Variants in ADAMTS2 observed in about 807,000 individuals in gnomAD.
ADAMTS2 encodes A disintegrin and metalloproteinase with thrombospondin motifs 2.
ADAMTS2 carries 50 observed loss-of-function variants against 123.0 expected under a neutral mutation model. That is an observed-to-expected ratio of 0.41 (90% confidence interval 0.32 to 0.51). The LOEUF (loss-of-function observed/expected upper bound fraction) is 0.51, where lower values mean the gene tolerates loss of function less well. Among genes scored for constraint, ADAMTS2 ranks in the 20% least tolerant of loss-of-function variants. The pLI is 0.35. For synonymous variants in ADAMTS2, 678 were observed against 695.4 expected, an observed-to-expected ratio of 0.98 and a Z score of 0.39; for missense variants, 1,494 against 1,705.2, an observed-to-expected ratio of 0.88 and a Z score of 2.18.
intron 4 of ADAMTS2, among the ~76,000 whole-genome samples, chr5:179,195,463 T>C: frequency 6.6e-6 from 1 of 152,216 alleles, no homozygotes. Flanking sequence ...TTTCAATCTG[T>C]GGCCCACATT....
chr5:179,334,309 C>A (rs575281864), intron 2 of ADAMTS2, among the ~76,000 whole-genome samples: 3 of 152,162 alleles, frequency 2.0e-5, no homozygotes, highest in Non-Finnish European at 4.4e-5. Context: ...TCATTCCTGG[C>A]CCAGCAAAGT....
rs1390854821 is a variant in ADAMTS2, at chr5:179,181,862, A to AG, written c.892-708dup. On this transcript the variant is annotated intron_variant, in intron 4 of 21. Transcript: ENST00000251582. This position sits in a 1 kb window ranked among gnomAD's most constrained non-coding sequence, Gnocchi z 4.1. ...TCAAAGGGACCCGTGGCACAAAAAC[A>AG]GGGGGGTGAACTCCCCTTCTACAGA... Among the ~76,000 whole-genome samples the AG allele has an allele frequency of 1.5e-4, 23 of 150,230 alleles. No homozygotes were observed. Among genetic ancestry groups the AG allele is most frequent in the African/African-American group, 4.8e-4 (20 of 41,458 alleles).
intron 11 of ADAMTS2, among the ~76,000 whole-genome samples, chr5:179,138,594 T>G (rs997158604): frequency 6.6e-6 from 1 of 152,238 alleles, no homozygotes; most frequent in Admixed American, 6.5e-5. Flanking sequence ...TTTCCGAGTC[T>G]GGCGTAAAAG....
At chr5:179,271,907 G>A (rs1581235372) in intron 3 of ADAMTS2, among the ~76,000 whole-genome samples, 1 of 152,108 alleles carries the variant, frequency 6.6e-6, no homozygotes, top group African/African-American at 2.4e-5. Flanking sequence ...ATCACAGCAC[G>A]GGGGCTGGCC....
chr5:179,126,085 T>A lies in ADAMTS2; in HGVS notation c.2663A>T (p.Lys888Met). 6.2e-7 allele frequency: 1 copy of A among 1,613,184 alleles called. No homozygotes were observed. The highest frequency in any genetic ancestry group is 8.5e-7 in the Non-Finnish European group (1 of 1,180,012). Residue 888 changes from lysine to methionine, a missense_variant, in exon 18 of 22, where the codon AAG (lysine) becomes ATG (methionine). By Grantham distance (95) the Lys-to-Met change is moderately conservative. Transcript: ENST00000251582. The part of the protein sequence containing the change: ...KYGCRRRLDH[K>M]MVHRGFCAAL... The stretch of plus-strand genomic sequence containing the variant: ...GGCACAGAAGCCACGGTGTACCATC[T>A]TGTGGTCCAGCCTCCGGCGGCAGCC...
At position 179,175,331 on chromosome 5, in the gene ADAMTS2, T is replaced by C. The variant is rs1046089435; in HGVS notation, c.975+5741A>G. On this transcript the variant is annotated intron_variant, in intron 5 of 21. Transcript: ENST00000251582. This position sits in a 1 kb window ranked among gnomAD's most constrained non-coding sequence, Gnocchi z 4.1. ...TCTCAGCCATTCTTGACCGTTCGTGTTCCTAGATGGTGCTTAGAATCACTT... is the reference window on the plus strand; with the variant it reads ...TCTCAGCCATTCTTGACCGTTCGTGCTCCTAGATGGTGCTTAGAATCACTT... Among the ~76,000 whole-genome samples the C allele has an allele frequency of 6.6e-6, 1 of 152,270 alleles. No individual in the cohort carries two copies. Among genetic ancestry groups the C allele is most frequent in the Non-Finnish European group, 1.5e-5 (1 of 68,052 alleles).
chr5:179,152,849 T>C (rs35557468), intron 9 of ADAMTS2, among the ~76,000 whole-genome samples: 12,269 of 152,148 alleles, frequency 0.081, 682 homozygotes, highest in Non-Finnish European at 0.12. Context: ...CCCTCCTGCG[T>C]TGGTACTCGA....
At position 179,202,076 on chromosome 5, in the gene ADAMTS2, C is replaced by T. The variant is rs537509873; in HGVS notation, c.891+5437G>A. On this transcript the variant is annotated intron_variant, in intron 4 of 21. Coordinates refer to ENST00000251582, the MANE Select transcript of ADAMTS2 (RefSeq NM_014244.5). This position sits in a 1 kb window ranked among gnomAD's most constrained non-coding sequence, Gnocchi z 4.0. ...CTTTCCCATAGAAAAGGGAATATCACGTCTTGTCTTTAACATAGACAGGAA... is the reference window on the plus strand; with the variant it reads ...CTTTCCCATAGAAAAGGGAATATCATGTCTTGTCTTTAACATAGACAGGAA... Among the ~76,000 whole-genome samples the T allele has an allele frequency of 6.6e-6, 1 of 152,320 alleles. No individual in the cohort carries two copies. Among genetic ancestry groups the T allele is most frequent in the African/African-American group, 2.4e-5 (1 of 41,568 alleles).
chr5:179,213,099 C>A (rs1764899570), intron 3 of ADAMTS2, among the ~76,000 whole-genome samples: 1 of 152,096 alleles, frequency 6.6e-6, no homozygotes, highest in Admixed American at 6.6e-5. Context: ...GGGACAGGGG[C>A]CGGGGCAGGG....
Position 179,314,496 on chromosome 5 carries a change from G to A in ADAMTS2, c.534+29271C>T, listed in dbSNP as rs1399374383. On this transcript the variant is annotated intron_variant, in intron 2 of 21. Coordinates refer to ENST00000251582, the MANE Select transcript of ADAMTS2 (RefSeq NM_014244.5). This position sits in a 1 kb window ranked among gnomAD's most constrained non-coding sequence, Gnocchi z 4.5. ...ACAAGAGTAGTAAATGCACCGTGCT[G>A]TACTCAGAGCCCAGGAAGCAGCCCT... Among the ~76,000 whole-genome samples, 1 of 152,140 alleles carries A rather than the reference G, an allele frequency of 6.6e-6. No individual in the cohort carries two copies. The highest frequency in any genetic ancestry group is 1.5e-5 in the Non-Finnish European group (1 of 68,014).
intron 3 of ADAMTS2, among the ~76,000 whole-genome samples, chr5:179,248,509 T>G (rs1765852922): frequency 6.6e-6 from 1 of 151,892 alleles, no homozygotes; most frequent in African/African-American, 2.4e-5. Flanking sequence ...AAATTTAGAT[T>G]CAAAATACAC....
At position 179,129,689 on chromosome 5, in the gene ADAMTS2, C is replaced by A. The variant is rs1762925790; in HGVS notation, c.2457+243G>T. On this transcript the variant is annotated intron_variant, in intron 16 of 21. Coordinates refer to ENST00000251582, the MANE Select transcript of ADAMTS2 (RefSeq NM_014244.5). This position sits in a 1 kb window ranked among gnomAD's most constrained non-coding sequence, Gnocchi z 4.1. ...TGTCATTCAGATGGTGAAACCGAAA[C>A]CCTCAAAGGGAGAGTGTGCCCAAGG... is the stretch of plus-strand genomic sequence containing the variant. 6.6e-6 allele frequency among the ~76,000 whole-genome samples: 1 copy of A among 152,196 alleles called. No homozygotes were observed. Among genetic ancestry groups the A allele is most frequent in the Non-Finnish European group, 1.5e-5 (1 of 68,032 alleles).
chr5:179,139,589 C>T (rs1476178005), intron 11 of ADAMTS2, among the ~76,000 whole-genome samples: 1 of 152,122 alleles, frequency 6.6e-6, no homozygotes, highest in African/African-American at 2.4e-5. Flanking sequence ...TTCCCCAGCT[C>T]GGTCCTCCCT....
chr5:179,299,530 AACACACACAC>A lies in ADAMTS2; in HGVS notation c.535-26476_535-26467del, dbSNP rs3986821. 6.6e-5 allele frequency among the ~76,000 whole-genome samples: 8 copies of A among 120,522 alleles called. No individual in the cohort carries two copies. In the East Asian group the frequency reaches 2.0e-3, roughly 30 times the overall value. The allele number at this position is 120,522 out of a possible 152,430, so 79.1% of individuals were successfully genotyped here. ...GGCAACAGATCAAGACTCCAACTCA[AACACACACAC>A]ACACACACACACACACACACATTTA... is the stretch of plus-strand genomic sequence containing the variant. On this transcript the variant is annotated intron_variant, in intron 2 of 21. Transcript: ENST00000251582.
rs576653538 is a variant in ADAMTS2, at chr5:179,132,636, C to G, written c.2209+141G>C. On this transcript the variant is annotated intron_variant, in intron 14 of 21. Coordinates refer to ENST00000251582, the MANE Select transcript of ADAMTS2 (RefSeq NM_014244.5). The surrounding 1 kb of genome is among the most constrained non-coding windows in gnomAD (Gnocchi z 6.1). ...TCCCCGACTTAGGATTCTCCCTCCC[C>G]CTCAGTGTCACAGACCTCTCCCCCT... The G allele has an allele frequency of 4.0e-4, 493 of 1,245,002 alleles. 8 individuals are homozygous for G. In the South Asian group the frequency reaches 5.7e-3, roughly 14 times the overall value. 77.1% of individuals were successfully genotyped at this position (1,245,002 alleles called of 1,614,324 possible). A position where few individuals can be genotyped will look rare whatever the true frequency, so the allele number is the denominator to read the frequency against.
chr5:179,291,882 G>A (rs754996323), intron 2 of ADAMTS2, among the ~76,000 whole-genome samples: 77 of 150,894 alleles, frequency 5.1e-4, no homozygotes, highest in Admixed American at 1.3e-3. Flanking sequence ...GACCACAGAC[G>A]TGTGCCACAA....
chr5:179,163,455 C>T (rs1018274429), intron 5 of ADAMTS2, among the ~76,000 whole-genome samples: 4 of 152,128 alleles, frequency 2.6e-5, no homozygotes, highest in African/African-American at 9.7e-5. Flanking sequence ...TCAGGTCAAT[C>T]GTGAAATCTG....
At chr5:179,244,787 T>C (rs1765745027) in intron 3 of ADAMTS2, among the ~76,000 whole-genome samples, 1 of 152,156 alleles carries the variant, frequency 6.6e-6, no homozygotes, top group African/African-American at 2.4e-5. Flanking sequence ...TGACACCAGA[T>C]GGGAACTTGA....
rs1765686688 is a variant in ADAMTS2 at position 179,242,253 on chromosome 5, G to A, written c.688+30658C>T. Among the ~76,000 whole-genome samples the A allele has an allele frequency of 6.6e-6, 1 of 152,186 alleles. No individual in the cohort carries two copies. Among genetic ancestry groups the A allele is most frequent in the South Asian group, 2.1e-4 (1 of 4,828 alleles). The stretch of plus-strand genomic sequence containing the variant: ...ACGCTGAGCCTTGGCAGCCTCGTGT[G>A]GGCCAGCGGTGCCTGCTGTCTTGCT... On this transcript the variant is annotated intron_variant, in intron 3 of 21. Transcript: ENST00000251582. The surrounding 1 kb of genome is among the most constrained non-coding windows in gnomAD (Gnocchi z 4.2).
Sources: gnomAD v4.1 joint callset for allele counts (sites outside exome capture counted in the v4.1 genomes callset) on GRCh38, gnomAD v4.1.1 for gene constraint, Gnocchi (gnomAD v3.1) non-coding constraint, MANE v1.5 for transcripts, NCBI Gene and HGNC (gene_info 2026-07-23, HGNC 2026-07-21) for gene names.